The following KCTD16 variants were observed in gnomAD, a reference collection of about 807,000 sequenced individuals.
The protein encoded by KCTD16 is potassium channel tetramerization domain containing 16, also known as BTB/POZ domain-containing protein KCTD16.
KCTD16 carries 13 observed loss-of-function variants against 33.2 expected under a neutral mutation model. The ratio of observed to expected loss-of-function variants is 0.39; its 90% CI spans 0.25 to 0.62. KCTD16 has a LOEUF of 0.62. Among genes scored for constraint, KCTD16 ranks in the 20% least tolerant of loss-of-function variants. The pLI, the probability that KCTD16 is intolerant of heterozygous loss-of-function variation, is 0.50. For missense variants in KCTD16, 441 were observed against 525.1 expected (o/e 0.84, Z 1.57); for synonymous variants, 197 against 195.3 (o/e 1.01, Z -0.07).
At chr5:144,212,614 G>A (rs540639059) in intron 3 of KCTD16, among the ~76,000 whole-genome samples, 194 of 152,256 alleles carry the variant, frequency 1.3e-3, no homozygotes, top group African/African-American at 4.4e-3. Context: ...CACAAAACAC[G>A]GAAAGGAGCG....
At chr5:144,330,770 G>A (rs750910630) in intron 3 of KCTD16, among the ~76,000 whole-genome samples, 2 of 152,170 alleles carry the variant, frequency 1.3e-5, no homozygotes, top group Non-Finnish European at 2.9e-5. Flanking sequence ...TCACATCCAA[G>A]GTAGGCTGTT....
intron 3 of KCTD16, among the ~76,000 whole-genome samples, chr5:144,227,103 CT>C (rs1284974118): frequency 6.6e-6 from 1 of 152,042 alleles, no homozygotes; most frequent in East Asian, 1.9e-4. Flanking sequence ...ATACATGTGT[CT>C]GGAGAGATGG....
At chr5:144,243,657 G>A (rs1754465114) in intron 3 of KCTD16, among the ~76,000 whole-genome samples, 1 of 152,140 alleles carries the variant, frequency 6.6e-6, no homozygotes, top group Admixed American at 6.6e-5. Flanking sequence ...GAAGACTACG[G>A]TACTAGCTAC....
At chr5:144,299,963 C>T (rs932100544) in intron 3 of KCTD16, among the ~76,000 whole-genome samples, 2 of 149,870 alleles carry the variant, frequency 1.3e-5, no homozygotes, top group Non-Finnish European at 3.0e-5. Flanking sequence ...TGGATTACAA[C>T]CCAGAAAAAC....
chr5:144,423,578 C>T (rs186856066), intron 3 of KCTD16, among the ~76,000 whole-genome samples: 1 of 152,208 alleles, frequency 6.6e-6, no homozygotes, highest in Admixed American at 6.5e-5. Flanking sequence ...ACCAGGGATA[C>T]TACTAAGTAT....
intron 3 of KCTD16, among the ~76,000 whole-genome samples, chr5:144,220,247 G>A (rs932778128): frequency 6.6e-6 from 1 of 152,146 alleles, no homozygotes; most frequent in African/African-American, 2.4e-5. Flanking sequence ...TTCTGCTGTC[G>A]TCCCAGCTGA....
intron 3 of KCTD16, among the ~76,000 whole-genome samples, chr5:144,378,356 GT>G (rs1412989591): frequency 1.3e-5 from 2 of 152,114 alleles, no homozygotes; most frequent in Non-Finnish European, 2.9e-5. Context: ...ACCAAATGTA[GT>G]TTCTTGCTTT....
At chr5:144,460,885 T>C (rs1446912968) in intron 3 of KCTD16, among the ~76,000 whole-genome samples, 1 of 152,212 alleles carries the variant, frequency 6.6e-6, no homozygotes, top group Non-Finnish European at 1.5e-5. Context: ...AAAAATGGTC[T>C]ATAATCTAGT....
intron 3 of KCTD16, among the ~76,000 whole-genome samples, chr5:144,268,322 G>A (rs1421969404): frequency 6.6e-6 from 1 of 152,208 alleles, no homozygotes; most frequent in Non-Finnish European, 1.5e-5. Context: ...TCGCGCTATT[G>A]TTGACAGCCC....
At chr5:144,186,443 A>G (rs1045997711) in intron 2 of KCTD16, among the ~76,000 whole-genome samples, 1 of 151,568 alleles carries the variant, frequency 6.6e-6, no homozygotes, top group African/African-American at 2.4e-5. Flanking sequence ...AAAAAATTGT[A>G]CATGCTGCCA....
At chr5:144,345,813 G>A (rs1255183514) in intron 3 of KCTD16, among the ~76,000 whole-genome samples, 3 of 152,190 alleles carry the variant, frequency 2.0e-5, no homozygotes, top group Middle Eastern at 3.4e-3. Context: ...GGGGAATAGG[G>A]TAACCATCCC....
At chr5:144,243,431 T>A (rs1189475163) in intron 3 of KCTD16, among the ~76,000 whole-genome samples, 2 of 152,220 alleles carry the variant, frequency 1.3e-5, no homozygotes, top group African/African-American at 4.8e-5. Flanking sequence ...TTGTATGTGG[T>A]AAAATACTCT....
At chr5:144,336,656 C>G (rs76044127) in intron 3 of KCTD16, among the ~76,000 whole-genome samples, 19 of 152,266 alleles carry the variant, frequency 1.2e-4, no homozygotes, top group Admixed American at 4.6e-4. Flanking sequence ...ACAGTAGGCA[C>G]TTGGTAAGCC....
chr5:144,428,455 A>G (rs1213380937), intron 3 of KCTD16, among the ~76,000 whole-genome samples: 3 of 152,164 alleles, frequency 2.0e-5, no homozygotes, highest in African/African-American at 7.2e-5. Context: ...CATTTATTAA[A>G]ACACCAATTA....
Position 144,300,451 on chromosome 5 carries a change from G to T in KCTD16, c.832+92905G>T, listed in dbSNP as rs572557732. Among the ~76,000 whole-genome samples the T allele has an allele frequency of 7.1e-4, 108 of 152,248 alleles. 1 individual carries two copies. The highest frequency in any genetic ancestry group is 3.4e-3 in the Middle Eastern group (1 of 294). On this transcript the variant is annotated intron_variant, in intron 3 of 3. Transcript: ENST00000512467. ...TGTACCATTTAATAGGGTGCAAATT[G>T]TCTCATGCTATTTCACTGAGACAGT...
intron 3 of KCTD16, among the ~76,000 whole-genome samples, chr5:144,429,771 A>G (rs978059690): frequency 1.3e-5 from 2 of 152,104 alleles, no homozygotes; most frequent in Non-Finnish European, 2.9e-5. Flanking sequence ...CAACAACTGA[A>G]CTAAAATAAG....
At position 144,417,561 on chromosome 5, in the gene KCTD16, G is replaced by T. The variant is rs896269080; in HGVS notation, c.833-56099G>T. 2.0e-5 allele frequency among the ~76,000 whole-genome samples: 3 copies of T among 152,056 alleles called. No homozygotes were observed. In the South Asian group the frequency reaches 6.2e-4, roughly 32 times the overall value. On this transcript the variant is annotated intron_variant, in intron 3 of 3. Coordinates refer to ENST00000512467, the MANE Select transcript of KCTD16 (RefSeq NM_020768.4). Reference sequence around the variant, plus strand: ...AGTATTTTCTCCCATTCTGTAAATTGTCATTTCATTTTTTGACAATTTCTT... The same window carrying T: ...AGTATTTTCTCCCATTCTGTAAATTTTCATTTCATTTTTTGACAATTTCTT...
intron 3 of KCTD16, among the ~76,000 whole-genome samples, chr5:144,346,742 C>T (rs1414824524): frequency 1.2e-4 from 18 of 152,160 alleles, no homozygotes; most frequent in Admixed American, 1.2e-3. Context: ...GCTCCTTATA[C>T]ATTCTGGCTC....
At chr5:144,181,333 A>T (rs573707451) in intron 2 of KCTD16, among the ~76,000 whole-genome samples, 1 of 152,254 alleles carries the variant, frequency 6.6e-6, no homozygotes, top group Non-Finnish European at 1.5e-5. Context: ...AAAACAAAAC[A>T]AAACAAAGAA....
Sources: gnomAD v4.1 joint callset for allele counts (sites outside exome capture counted in the v4.1 genomes callset) on GRCh38, gnomAD v4.1.1 for gene constraint, MANE v1.5 for transcripts, NCBI Gene and HGNC (gene_info 2026-07-23, HGNC 2026-07-21) for gene names.